The following MED27 variants were observed in gnomAD, a reference collection of about 807,000 sequenced individuals.
MED27 encodes mediator complex subunit 27, also known as mediator of RNA polymerase II transcription subunit 27.
A neutral mutation model predicts 38.2 loss-of-function variants in MED27; 30 were observed. That is an observed-to-expected ratio of 0.79 (90% CI 0.59 to 1.07). The LOEUF is 1.07. Among genes scored for constraint, MED27 ranks in the 50% least tolerant of loss-of-function variants. The probability of loss-of-function intolerance (pLI) is 0.00; values close to 1 mark genes in which losing one functional copy is unlikely to be tolerated. For missense variants in MED27, 289 were observed against 397.5 expected (o/e 0.73, Z 2.32); for synonymous variants, 122 against 153.5 (o/e 0.79, Z 1.52).
intron 3 of MED27, among the ~76,000 whole-genome samples, chr9:131,987,844 G>C (rs887436173): frequency 1.3e-5 from 2 of 152,242 alleles, no homozygotes; most frequent in African/African-American, 4.8e-5. Flanking sequence ...AAGCAGTCAA[G>C]TAGGAATCAG....
intron 2 of MED27, among the ~76,000 whole-genome samples, chr9:132,044,836 G>A (rs1400942088): frequency 6.6e-6 from 1 of 152,124 alleles, no homozygotes; most frequent in East Asian, 1.9e-4. Flanking sequence ...AGTCAAAAAT[G>A]AAATTTATTT....
intron 3 of MED27, among the ~76,000 whole-genome samples, chr9:132,004,667 C>T (rs1289068288): frequency 2.0e-5 from 3 of 152,210 alleles, no homozygotes; most frequent in Non-Finnish European, 4.4e-5. Context: ...CCTGCAGCTA[C>T]AGAGCCCTAC....
At chr9:131,918,698 C>A (rs1481962250) in intron 4 of MED27, among the ~76,000 whole-genome samples, 2 of 151,816 alleles carry the variant, frequency 1.3e-5, no homozygotes, top group Non-Finnish European at 2.9e-5. Context: ...GCTTCCTGTA[C>A]GCGGCCATTT....
In MED27 at chr9:132,051,498, C is replaced by A. The variant is rs1048294681; in HGVS notation, c.348+25944G>T. On this transcript the variant is annotated intron_variant, in intron 2 of 7. Coordinates refer to ENST00000292035, the MANE Select transcript of MED27 (RefSeq NM_004269.4). This position sits in a 1 kb window ranked among gnomAD's most constrained non-coding sequence, Gnocchi z 4.2. ...TTTCAAAGCCCTATCCCATCCCCTGCCCCTCCTTAGCTAGACATAAAGACT... is the reference window on the plus strand; with the variant it reads ...TTTCAAAGCCCTATCCCATCCCCTGACCCTCCTTAGCTAGACATAAAGACT... 6.6e-6 allele frequency among the ~76,000 whole-genome samples: 1 copy of A among 152,110 alleles called. No individual in the cohort carries two copies. Among genetic ancestry groups the A allele is most frequent in the African/African-American group, 2.4e-5 (1 of 41,408 alleles).
intron 3 of MED27, among the ~76,000 whole-genome samples, chr9:132,000,755 T>C (rs997551204): frequency 5.3e-5 from 8 of 151,540 alleles, no homozygotes; most frequent in Non-Finnish European, 1.0e-4. Context: ...AAAAAAAATT[T>C]TTTTTTTTTT....
rs545527771 is a variant in MED27, at chr9:131,995,922, A to G, written c.479+18415T>C. Among the ~76,000 whole-genome samples, 7 of 152,280 alleles carry G rather than the reference A, an allele frequency of 4.6e-5. No individual in the cohort carries two copies. The East Asian group carries it at 1.4e-3, about 29-fold the overall frequency. On this transcript the variant is annotated intron_variant, in intron 3 of 7. Transcript: ENST00000292035. Reference sequence around the variant, plus strand: ...TTGGGTCTGGGAGTCAAGGGGAGGAAGCAGGAGTGTCCTCTACACTCCATA... The same window carrying G: ...TTGGGTCTGGGAGTCAAGGGGAGGAGGCAGGAGTGTCCTCTACACTCCATA...
rs554376939 is a variant in MED27 at position 132,051,748 on chromosome 9, C to T, written c.348+25694G>A. On this transcript the variant is annotated intron_variant, in intron 2 of 7. Coordinates refer to ENST00000292035, the MANE Select transcript of MED27 (RefSeq NM_004269.4). This position sits in a 1 kb window ranked among gnomAD's most constrained non-coding sequence, Gnocchi z 4.2. The stretch of plus-strand genomic sequence containing the variant: ...AGTTACATGTGGCTAGTGGCTACCA[C>T]GTGGGATAATGTGGATACAGAACAT... Among the ~76,000 whole-genome samples the T allele has an allele frequency of 1.1e-4, 17 of 152,220 alleles. No individual in the cohort carries two copies. The South Asian group carries it at 3.1e-3, about 28-fold the overall frequency.
At chr9:132,062,991 G>A (rs951861270) in intron 2 of MED27, among the ~76,000 whole-genome samples, 1 of 152,156 alleles carries the variant, frequency 6.6e-6, no homozygotes, top group African/African-American at 2.4e-5. Flanking sequence ...TGACTATGTG[G>A]GAAAAGGACC....
chr9:131,861,820 T>C lies in MED27; in HGVS notation c.802-1148A>G, dbSNP rs1461883944. On this transcript the variant is annotated intron_variant, in intron 7 of 7. Transcript: ENST00000292035. The surrounding 1 kb of genome is among the most constrained non-coding windows in gnomAD (Gnocchi z 4.4). ...CCACATCTCGCTCTGACACCCAGGCTGGAGCGCAGTGGTGCAATCGATCAT... is the reference window on the plus strand; with the variant it reads ...CCACATCTCGCTCTGACACCCAGGCCGGAGCGCAGTGGTGCAATCGATCAT... Among the ~76,000 whole-genome samples the C allele has an allele frequency of 2.6e-5, 4 of 151,264 alleles. No individual in the cohort carries two copies. Among genetic ancestry groups the C allele is most frequent in the African/African-American group, 9.8e-5 (4 of 40,984 alleles).
intron 6 of MED27, among the ~76,000 whole-genome samples, chr9:131,867,590 A>G (rs1317931054): frequency 6.6e-6 from 1 of 152,166 alleles, no homozygotes; most frequent in African/African-American, 2.4e-5. Flanking sequence ...GCGGCCAAGG[A>G]ATTTTCCCCT....
At chr9:131,898,263 C>A (rs1829867650) in intron 4 of MED27, among the ~76,000 whole-genome samples, 1 of 152,072 alleles carries the variant, frequency 6.6e-6, no homozygotes, top group African/African-American at 2.4e-5. Flanking sequence ...GAGATGGAGT[C>A]CTGCTCTGTC....
intron 2 of MED27, among the ~76,000 whole-genome samples, chr9:132,064,651 G>A (rs1329640641): frequency 1.3e-5 from 2 of 152,152 alleles, no homozygotes; most frequent in East Asian, 3.9e-4. Flanking sequence ...GCCAGAAAAC[G>A]GTATATCGCT....
intron 3 of MED27, among the ~76,000 whole-genome samples, chr9:131,960,959 A>T (rs1831202775): frequency 6.6e-6 from 1 of 152,174 alleles, no homozygotes. Context: ...AGCAGAGGAG[A>T]GGCTGCCAGG....
In MED27 at chr9:132,079,651, C is replaced by G. The variant is rs762661144; in HGVS notation, c.194G>C (p.Arg65Pro). Residue 65 changes from arginine (R) to proline (P), a missense_variant, in exon 1 of 8, where the codon CGG becomes CCG. Transcript: ENST00000292035. ...TTCAGCCGGTACCTACTTGAGGTCC[C>G]GGTTGACCGAATGTAAGTTGTCCTG... ...HFQDNLHSVN[R>P]DLNELERLSN... 2.5e-6 allele frequency: 4 copies of G among 1,612,422 alleles called. No homozygotes were observed. The Admixed American group carries it at 6.7e-5, about 27-fold the overall frequency.
At chr9:131,891,266 C>T (rs998686440) in intron 5 of MED27, among the ~76,000 whole-genome samples, 5 of 152,150 alleles carry the variant, frequency 3.3e-5, no homozygotes, top group African/African-American at 4.8e-5. Context: ...AGGGAGCACG[C>T]GGCTGGAGAT....
At chr9:132,007,978 C>T (rs899285216) in intron 3 of MED27, among the ~76,000 whole-genome samples, 2 of 152,034 alleles carry the variant, frequency 1.3e-5, no homozygotes, top group Non-Finnish European at 2.9e-5. Flanking sequence ...TAATAGTTTT[C>T]AATGTAAGCT....
At chr9:132,007,216 T>C (rs1312340190) in intron 3 of MED27, among the ~76,000 whole-genome samples, 3 of 152,146 alleles carry the variant, frequency 2.0e-5, no homozygotes, top group Non-Finnish European at 4.4e-5. Context: ...GTCTTATTGT[T>C]ACTCAAACCT....
intron 4 of MED27, among the ~76,000 whole-genome samples, chr9:131,923,202 A>G (rs1830427931): frequency 6.6e-6 from 1 of 152,202 alleles, no homozygotes; most frequent in African/African-American, 2.4e-5. Context: ...ATTAAAAACA[A>G]TCCATTGATA....
intron 4 of MED27, among the ~76,000 whole-genome samples, chr9:131,923,410 C>T (rs956746024): frequency 2.6e-5 from 4 of 152,164 alleles, no homozygotes; most frequent in Non-Finnish European, 5.9e-5. Context: ...AGCCAACCAA[C>T]TGAAGTTTAA....
Sources: allele counts gnomAD v4.1 joint callset (sites outside exome capture counted in the v4.1 genomes callset), GRCh38; gene constraint gnomAD v4.1.1; non-coding constraint Gnocchi (gnomAD v3.1); transcripts MANE v1.5; gene names NCBI Gene and HGNC (gene_info 2026-07-23, HGNC 2026-07-21).